Variants in FSTL5 observed in about 807,000 individuals in gnomAD.
FSTL5 encodes follistatin like 5, also known as follistatin-related protein 5.
FSTL5 carries 62 observed loss-of-function variants against 89.1 expected under a neutral mutation model. The ratio of observed to expected loss-of-function variants is 0.70; its 90% CI spans 0.57 to 0.86. The LOEUF (loss-of-function observed/expected upper bound fraction) is 0.86, where lower values mean the gene tolerates loss of function less well. Among genes scored for constraint, FSTL5 ranks in the 40% least tolerant of loss-of-function variants. The probability of loss-of-function intolerance (pLI) is 0.00; values close to 1 mark genes in which losing one functional copy is unlikely to be tolerated. For synonymous variants in FSTL5, 383 were observed against 346.2 expected, an observed-to-expected ratio of 1.11 and a Z score of -1.18; for missense variants, 1,057 against 1,001.6, an observed-to-expected ratio of 1.06 and a Z score of -0.75.
At chr4:161,882,481 A>AT (rs1230884549) in intron 4 of FSTL5, among the ~76,000 whole-genome samples, 1 of 151,918 alleles carries the variant, frequency 6.6e-6, no homozygotes, top group East Asian at 1.9e-4. Context: ...TAACTGAAAG[A>AT]TTTTCTGTTC....
chr4:161,488,832 G>T (rs771355927), intron 12 of FSTL5, among the ~76,000 whole-genome samples: 7 of 152,022 alleles, frequency 4.6e-5, no homozygotes, highest in African/African-American at 7.2e-5. Flanking sequence ...AAGGAAGTTT[G>T]CTGTGCATGT....
rs189679607 is a variant in FSTL5 at position 161,974,296 on chromosome 4, G to T, written c.161-53644C>A. On this transcript the variant is annotated intron_variant, in intron 3 of 15. Coordinates refer to ENST00000306100, the MANE Select transcript of FSTL5 (RefSeq NM_020116.5). ...ATGGAACCAAAAAAGAGCCCGCATC[G>T]CCAAGTAAGCCAAAAGAACAAAGCT... Among the ~76,000 whole-genome samples, 8 of 152,014 alleles carry T rather than the reference G, an allele frequency of 5.3e-5. 1 individual carries two copies. The highest frequency in any genetic ancestry group is 1.9e-4 in the African/African-American group (8 of 41,368).
intron 4 of FSTL5, among the ~76,000 whole-genome samples, chr4:161,821,602 T>C (rs1730496037): frequency 1.3e-5 from 2 of 152,108 alleles, no homozygotes; most frequent in South Asian, 2.1e-4. Flanking sequence ...CTGAAGTCCA[T>C]TGTATTATTC....
intron 7 of FSTL5, among the ~76,000 whole-genome samples, chr4:161,609,167 T>C (rs935162932): frequency 6.6e-6 from 1 of 152,128 alleles, no homozygotes; most frequent in Non-Finnish European, 1.5e-5. Flanking sequence ...GCCTGGCACA[T>C]ACACAGTGTT....
At chr4:161,762,383 T>C (rs1420201770) in intron 5 of FSTL5, among the ~76,000 whole-genome samples, 3 of 152,204 alleles carry the variant, frequency 2.0e-5, no homozygotes, top group African/African-American at 4.8e-5. Context: ...CACAAACTTG[T>C]AGGGCTCTGA....
At chr4:161,453,607 TTA>T (rs1733247306) in intron 15 of FSTL5, among the ~76,000 whole-genome samples, 2 of 152,248 alleles carry the variant, frequency 1.3e-5, no homozygotes, top group South Asian at 4.1e-4. Context: ...ATTACTATTA[TTA>T]TTTTTTGACA....
intron 1 of FSTL5, among the ~76,000 whole-genome samples, chr4:162,160,604 A>T (rs921367146): frequency 1.3e-5 from 2 of 151,880 alleles, no homozygotes; most frequent in Admixed American, 6.6e-5. Context: ...AAGAACTAAT[A>T]GAAAGATGTC....
At chr4:161,821,395 G>A (rs1409638193) in intron 4 of FSTL5, among the ~76,000 whole-genome samples, 2 of 152,044 alleles carry the variant, frequency 1.3e-5, no homozygotes, top group Non-Finnish European at 2.9e-5. Context: ...TCCATACTAA[G>A]TTCTTATTTG....
intron 4 of FSTL5, among the ~76,000 whole-genome samples, chr4:161,908,904 T>C (rs925801126): frequency 2.0e-5 from 3 of 152,130 alleles, no homozygotes; most frequent in African/African-American, 7.2e-5. Flanking sequence ...GAGTTGTCAA[T>C]CTCCTTTTTT....
chr4:162,035,147 A>G (rs1361216446), intron 2 of FSTL5: 1 of 152,094 alleles, frequency 6.6e-6, no homozygotes, highest in African/African-American at 2.4e-5. Context: ...TCATTCAGTC[A>G]GTCAGTCTTT....
At chr4:162,139,556 C>T (rs927455878) in intron 1 of FSTL5, among the ~76,000 whole-genome samples, 1 of 151,868 alleles carries the variant, frequency 6.6e-6, no homozygotes, top group African/African-American at 2.4e-5. Flanking sequence ...TTTTCCTGAG[C>T]AGACTTTGCA....
chr4:161,937,824 C>A (rs1389516029), intron 3 of FSTL5, among the ~76,000 whole-genome samples: 1 of 152,132 alleles, frequency 6.6e-6, no homozygotes, highest in Admixed American at 6.6e-5. Context: ...TCCTCATATA[C>A]GTGTGCTGTA....
intron 3 of FSTL5, among the ~76,000 whole-genome samples, chr4:162,010,720 T>G (rs545853833): frequency 1.3e-5 from 2 of 152,362 alleles, no homozygotes; most frequent in Admixed American, 1.3e-4. Flanking sequence ...TGCGTTTGGC[T>G]TCTTTCACTT....
chr4:162,000,786 A>T (rs1736441490), intron 3 of FSTL5, among the ~76,000 whole-genome samples: 1 of 152,104 alleles, frequency 6.6e-6, no homozygotes, highest in South Asian at 2.1e-4. Flanking sequence ...CAAGGTCATA[A>T]TTATAAACTA....
chr4:161,742,356 A>G (rs1390369869), intron 6 of FSTL5, among the ~76,000 whole-genome samples: 1 of 152,196 alleles, frequency 6.6e-6, no homozygotes, highest in African/African-American at 2.4e-5. Flanking sequence ...TTATCTAGAA[A>G]TGATGCTGGG....
intron 4 of FSTL5, among the ~76,000 whole-genome samples, chr4:161,889,634 ACT>A (rs1732924351): frequency 6.6e-6 from 1 of 152,144 alleles, no homozygotes; most frequent in Non-Finnish European, 1.5e-5. Flanking sequence ...ACAAGATGAA[ACT>A]CTGTCGAATA....
chr4:161,573,569 A>G (rs1186621200), intron 8 of FSTL5, among the ~76,000 whole-genome samples: 1 of 151,074 alleles, frequency 6.6e-6, no homozygotes, highest in Non-Finnish European at 1.5e-5. Flanking sequence ...ACCCGTCTCT[A>G]GTAAAAGTAC....
intron 13 of FSTL5, among the ~76,000 whole-genome samples, chr4:161,466,423 A>G (rs1486706255): frequency 6.6e-6 from 1 of 152,194 alleles, no homozygotes; most frequent in Non-Finnish European, 1.5e-5. Flanking sequence ...ATGAAGGAAC[A>G]GTGAAGCACA....
chr4:162,051,713 AAAT>A (rs753104957), intron 2 of FSTL5, among the ~76,000 whole-genome samples: 1 of 151,622 alleles, frequency 6.6e-6, no homozygotes, highest in Non-Finnish European at 1.5e-5. Flanking sequence ...AACAGAAACT[AAAT>A]AATATTATTC....
Sources: allele counts gnomAD v4.1 joint callset (sites outside exome capture counted in the v4.1 genomes callset), GRCh38; gene constraint gnomAD v4.1.1; transcripts MANE v1.5; gene names NCBI Gene and HGNC (gene_info 2026-07-23, HGNC 2026-07-21).